STRAP: variants seen among roughly 807,000 people sequenced by gnomAD.
STRAP encodes serine/threonine kinase receptor associated protein.
Under a neutral mutation model 47.0 loss-of-function variants are expected in STRAP, and 16 were observed. That is an observed-to-expected ratio of 0.34 (90% CI 0.23 to 0.52). STRAP has a LOEUF of 0.52. STRAP is among the 20% of genes least tolerant of loss of function. The probability of loss-of-function intolerance (pLI) is 0.96; values close to 1 mark genes in which losing one functional copy is unlikely to be tolerated. For missense variants in STRAP, 293 were observed against 420.0 expected (o/e 0.70, Z 2.64); for synonymous variants, 130 against 142.7 (o/e 0.91, Z 0.63).
chr12:15,903,027 C>A lies in STRAP; in HGVS notation c.*49C>A. The A allele has an allele frequency of 6.9e-7, 1 of 1,445,860 alleles. No individual in the cohort carries two copies. The highest frequency in any genetic ancestry group is 9.1e-7 in the Non-Finnish European group (1 of 1,098,470). The allele number at this position is 1,445,860 out of a possible 1,614,324, so 89.6% of individuals were successfully genotyped here. On this transcript the variant is annotated 3_prime_UTR_variant, in exon 10 of 10. Transcript: ENST00000419869. The stretch of plus-strand genomic sequence containing the variant: ...TATACAACTGACTAAAACAAGCAAG[C>A]AGAGAAAAGCATCAGCCTTCCAGAG...
In STRAP at chr12:15,894,236, A is replaced by G; in HGVS notation, c.500+93A>G. On this transcript the variant is annotated intron_variant, in intron 5 of 9. Transcript: ENST00000419869. This position sits in a 1 kb window ranked among gnomAD's most constrained non-coding sequence, Gnocchi z 4.9. ...GCACTTTGGGAGGCGAGCCGGGTGG[A>G]TCATTAGAGGTCAGGAGTACTAGAC... is the stretch of plus-strand genomic sequence containing the variant. The G allele has an allele frequency of 1.1e-6, 1 of 943,272 alleles. No homozygotes were observed. The allele number at this position is 943,272 out of a possible 1,614,324, so 58.4% of individuals were successfully genotyped here.
chr12:15,900,879 C>T (rs1948097612), intron 8 of STRAP, 68 bp from the exon 9 acceptor site: 1 of 1,307,144 alleles, frequency 7.7e-7, no homozygotes, highest in Non-Finnish European at 1.0e-6. Context: ...GCTCTTCTTG[C>T]TTATTGAACA....
intron 2 of STRAP, among the ~76,000 whole-genome samples, chr12:15,885,057 C>G (rs1947957636): frequency 6.6e-6 from 1 of 151,954 alleles, no homozygotes. Flanking sequence ...ATCTCCAGTT[C>G]CTACTTGGTA....
At chr12:15,900,885 G>T in intron 8 of STRAP, 62 bp from the exon 9 acceptor site, 2 of 1,346,992 alleles carry the variant, frequency 1.5e-6, no homozygotes, top group South Asian at 1.8e-5. Flanking sequence ...CTTGCTTATT[G>T]AACACTGGAA....
intron 9 of STRAP, among the ~76,000 whole-genome samples, chr12:15,901,812 G>C (rs1428217769): frequency 7.0e-6 from 1 of 142,396 alleles, no homozygotes; most frequent in African/African-American, 2.6e-5. Flanking sequence ...AGCGAGCCGA[G>C]ATTGCGCCAC....
chr12:15,899,765 A>G, intron 7 of STRAP, 139 bp from the exon 8 acceptor site: 1 of 766,356 alleles, frequency 1.3e-6, no homozygotes, highest in Non-Finnish European at 2.1e-6. Context: ...TTGTGATGAG[A>G]AATTAATTAA....
intron 2 of STRAP, among the ~76,000 whole-genome samples, chr12:15,885,849 C>T (rs925196359): frequency 6.6e-6 from 1 of 151,910 alleles, no homozygotes; most frequent in Non-Finnish European, 1.5e-5. Flanking sequence ...TAATATGTTT[C>T]GAATACTTAC....
At chr12:15,893,996 G>A (rs761870698) in intron 4 of STRAP, 51 bp from the exon 5 acceptor site, 11 of 1,358,310 alleles carry the variant, frequency 8.1e-6, no homozygotes, top group Non-Finnish European at 1.0e-5. Context: ...ATATTGTTCA[G>A]TTTAAAAAAT....
intron 6 of STRAP, among the ~76,000 whole-genome samples, chr12:15,895,856 T>A (rs1392066099): frequency 1.8e-3 from 191 of 105,230 alleles, no homozygotes; most frequent in African/African-American, 7.0e-3. Flanking sequence ...AAGCAAAACC[T>A]CCTCTGAAAA....
intron 4 of STRAP, among the ~76,000 whole-genome samples, chr12:15,893,648 C>G (rs1243043176): frequency 6.9e-6 from 1 of 144,852 alleles, no homozygotes; most frequent in Admixed American, 6.9e-5. Context: ...TACAATAATG[C>G]TTTTATATTT....
At position 15,893,109 on chromosome 12, in the gene STRAP, C is replaced by T. The variant is rs564879951; in HGVS notation, c.404-938C>T. On this transcript the variant is annotated intron_variant, in intron 4 of 9. Coordinates refer to ENST00000419869, the MANE Select transcript of STRAP (RefSeq NM_007178.4). ...TTGCCTCCAGTGTCTGCTTTTGCCC[C>T]TAGAGACAGCAGTGAGGGTTTTTTG... Among the ~76,000 whole-genome samples the T allele has an allele frequency of 3.9e-5, 6 of 152,276 alleles. No homozygotes were observed. The East Asian group carries it at 9.6e-4, about 24-fold the overall frequency.
chr12:15,889,911 C>T lies in STRAP; in HGVS notation c.249-17C>T, dbSNP rs770194990. ...GGGTAATATTTATCCTACTAATTTT[C>T]TCTTTTTTACTTTTAGCAAAGTGTG... On this transcript the variant is annotated splice_polypyrimidine_tract_variant and intron_variant, in intron 2 of 9. Transcript: ENST00000419869. 1 of 1,606,706 alleles carries T rather than the reference C, an allele frequency of 6.2e-7. No individual in the cohort carries two copies. Among genetic ancestry groups the T allele is most frequent in the Non-Finnish European group, 8.5e-7 (1 of 1,174,914 alleles).
chr12:15,894,274 C>A lies in STRAP; in HGVS notation c.500+131C>A. 1.6e-6 allele frequency: 1 copy of A among 633,132 alleles called. No homozygotes were observed. Among genetic ancestry groups the A allele is most frequent in the Non-Finnish European group, 2.7e-6 (1 of 364,250 alleles). 39.2% of individuals were successfully genotyped at this position (633,132 alleles called of 1,614,324 possible). A position where few individuals can be genotyped will look rare whatever the true frequency, so the allele number is the denominator to read the frequency against. On this transcript the variant is annotated intron_variant, in intron 5 of 9. Coordinates refer to ENST00000419869, the MANE Select transcript of STRAP (RefSeq NM_007178.4). The surrounding 1 kb of genome is among the most constrained non-coding windows in gnomAD (Gnocchi z 4.9). ...AGGAGTACTAGACCAGCCTGGCCGA[C>A]ATGGCGAAATACTGTCTCTATGAAA...
At chr12:15,884,222 G>T (rs1018071976) in intron 2 of STRAP, among the ~76,000 whole-genome samples, 1 of 152,172 alleles carries the variant, frequency 6.6e-6, no homozygotes, top group Non-Finnish European at 1.5e-5. Context: ...GATTCTGCCA[G>T]CGGGATGTCT....
At position 15,887,873 on chromosome 12, in the gene STRAP, T is replaced by A. The variant is rs1386773218; in HGVS notation, c.249-2055T>A. ...GAGGTTTTAAGTTTATGGGAGATTA[T>A]TTAATAAACTTGAAATTAGCATATC... On this transcript the variant is annotated intron_variant, in intron 2 of 9. Coordinates refer to ENST00000419869, the MANE Select transcript of STRAP (RefSeq NM_007178.4). The surrounding 1 kb of genome is among the most constrained non-coding windows in gnomAD (Gnocchi z 5.5). 6.6e-6 allele frequency among the ~76,000 whole-genome samples: 1 copy of A among 152,192 alleles called. No homozygotes were observed. The highest frequency in any genetic ancestry group is 1.5e-5 in the Non-Finnish European group (1 of 68,028).
In STRAP at chr12:15,887,831, A is replaced by C. The variant is rs1337892413; in HGVS notation, c.249-2097A>C. Among the ~76,000 whole-genome samples, 1 of 147,146 alleles carries C rather than the reference A, an allele frequency of 6.8e-6. No individual in the cohort carries two copies. The highest frequency in any genetic ancestry group is 2.5e-5 in the African/African-American group (1 of 40,372). On this transcript the variant is annotated intron_variant, in intron 2 of 9. Transcript: ENST00000419869. This position sits in a 1 kb window ranked among gnomAD's most constrained non-coding sequence, Gnocchi z 5.5. ...GGGCAATATACCAAGATCCTGTCTCAAAAAAAAAAAGAGAGAGAGGTTTTA... is the reference window on the plus strand; with the variant it reads ...GGGCAATATACCAAGATCCTGTCTCCAAAAAAAAAAGAGAGAGAGGTTTTA...
Position 15,895,421 on chromosome 12 carries a change from G to C in STRAP, c.563G>C (p.Ser188Thr). The change falls in exon 6 of 10, where the codon AGT (serine) becomes ACT (threonine). Residue 188 changes from serine (S) to threonine (T), a missense_variant. By Grantham distance (58) the Ser-to-Thr change is moderately conservative. This residue lies in a region of STRAP where 152 missense variants were observed against 183.0 expected (regional missense o/e 0.83). Coordinates refer to ENST00000419869, the MANE Select transcript of STRAP (RefSeq NM_007178.4). ...CTAAATTTTAATATGTCTGTTAGTA[G>C]TATGGAATATATTCCTGAGGGAGAG... ...KSLNFNMSVSSMEYIPEGEIL... is the reference protein window; with the variant it reads ...KSLNFNMSVSTMEYIPEGEIL... 6.2e-7 allele frequency: 1 copy of C among 1,606,850 alleles called. No homozygotes were observed. Among genetic ancestry groups the C allele is most frequent in the Non-Finnish European group, 8.5e-7 (1 of 1,177,990 alleles).
In STRAP at chr12:15,894,912, T is replaced by A. The variant is rs1419623398; in HGVS notation, c.501-447T>A. 6.6e-6 allele frequency among the ~76,000 whole-genome samples: 1 copy of A among 152,208 alleles called. No individual in the cohort carries two copies. Among genetic ancestry groups the A allele is most frequent in the African/African-American group, 2.4e-5 (1 of 41,454 alleles). On this transcript the variant is annotated intron_variant, in intron 5 of 9. Transcript: ENST00000419869. The surrounding 1 kb of genome is among the most constrained non-coding windows in gnomAD (Gnocchi z 4.9). ...ACCTTATAAGCAGGTGTTTTTAACC[T>A]GGGTCTGTGGGCAGAATGGTTAAAG...
Position 15,882,478 on chromosome 12 carries a change from C to A in STRAP, c.-230C>A, listed in dbSNP as rs1042924. The A allele has an allele frequency of 1.1e-5, 6 of 542,330 alleles. No homozygotes were observed. Among genetic ancestry groups the A allele is most frequent in the African/African-American group, 1.9e-5 (1 of 52,258 alleles). The allele number at this position is 542,330 out of a possible 1,614,324, so 33.6% of individuals were successfully genotyped here. A position where few individuals can be genotyped will look rare whatever the true frequency, so the allele number is the denominator to read the frequency against. Reference sequence around the variant, plus strand: ...TCCCCATCCCCTACTTTCCTCCCTCCCTCCCTTTCCCTCCCTCGTCGACTG... The same window carrying A: ...TCCCCATCCCCTACTTTCCTCCCTCACTCCCTTTCCCTCCCTCGTCGACTG... On this transcript the variant is annotated 5_prime_UTR_variant, in exon 1 of 10. Coordinates refer to ENST00000419869, the MANE Select transcript of STRAP (RefSeq NM_007178.4).
Sources: allele counts gnomAD v4.1 joint callset (sites outside exome capture counted in the v4.1 genomes callset), GRCh38; gene constraint gnomAD v4.1.1; regional missense constraint gnomAD v4.1.1; non-coding constraint Gnocchi (gnomAD v3.1); transcripts MANE v1.5; gene names NCBI Gene and HGNC (gene_info 2026-07-23, HGNC 2026-07-21).